NOL4L: variants seen among roughly 807,000 people sequenced by gnomAD.
The protein encoded by NOL4L is nucleolar protein 4 like, also known as nucleolar protein 4-like.
In NOL4L, 7 loss-of-function variants were observed where a neutral mutation model predicts 64.5. The ratio of observed to expected loss-of-function variants is 0.11; its 90% CI spans 0.06 to 0.20. NOL4L has a LOEUF of 0.20. Ranked by LOEUF, NOL4L falls within the 10% of genes least tolerant of loss-of-function variation. The pLI, the probability that NOL4L is intolerant of heterozygous loss-of-function variation, is 1.00. For missense variants in NOL4L, 680 were observed against 967.1 expected (o/e 0.70, Z 3.94); for synonymous variants, 413 against 401.0 (o/e 1.03, Z -0.36).
At chr20:32,512,179 G>A (rs2017437313) in intron 3 of NOL4L, among the ~76,000 whole-genome samples, 1 of 152,158 alleles carries the variant, frequency 6.6e-6, no homozygotes, top group Non-Finnish European at 1.5e-5. Context: ...TAGACAGGGT[G>A]TGTGGCTCCC....
At chr20:32,456,066 TC>T (rs2013472054) in intron 6 of NOL4L, 51 bp downstream of exon 6, 1 of 1,447,482 alleles carries the variant, frequency 6.9e-7, no homozygotes, top group Non-Finnish European at 9.1e-7. Context: ...CATTCTCGCC[TC>T]GCGACAGCCC....
intron 1 of NOL4L, chr20:32,535,929 G>C: frequency 1.3e-5 from 13 of 985,784 alleles, no homozygotes; most frequent in Non-Finnish European, 1.6e-5. Flanking sequence ...CCTGGCTGCA[G>C]GACTCTGGCC....
intron 1 of NOL4L, among the ~76,000 whole-genome samples, chr20:32,546,726 G>A (rs776391381): frequency 3.3e-5 from 5 of 152,150 alleles, no homozygotes; most frequent in African/African-American, 7.2e-5. Context: ...GAGCCACTGC[G>A]CCCGGCAAGG....
At chr20:32,499,844 C>A (rs1389825711) in intron 4 of NOL4L, among the ~76,000 whole-genome samples, 2 of 150,958 alleles carry the variant, frequency 1.3e-5, no homozygotes, top group Non-Finnish European at 2.9e-5. Flanking sequence ...AGGAACAATT[C>A]CTACTAGATA....
At chr20:32,584,039 C>T (rs867532020) in intron 1 of NOL4L, among the ~76,000 whole-genome samples, 24 of 147,748 alleles carry the variant, frequency 1.6e-4, no homozygotes, top group Non-Finnish European at 3.6e-4. Context: ...CGGGCCCCCT[C>T]CCCTGGCGCT....
At chr20:32,543,423 A>C (rs981026379) in intron 1 of NOL4L, among the ~76,000 whole-genome samples, 1 of 152,204 alleles carries the variant, frequency 6.6e-6, no homozygotes, top group Non-Finnish European at 1.5e-5. Flanking sequence ...GTTCGAGACC[A>C]GCCTGACCAA....
intron 4 of NOL4L, among the ~76,000 whole-genome samples, chr20:32,484,722 C>G (rs2015977950): frequency 6.6e-6 from 1 of 152,134 alleles, no homozygotes; most frequent in African/African-American, 2.4e-5. Context: ...CACGCACTGT[C>G]CGTGGAGACG....
At position 32,452,409 on chromosome 20, in the gene NOL4L, T is replaced by G. The variant is rs758077558; in HGVS notation, c.1649A>C (p.His550Pro). 2.2e-5 allele frequency: 36 copies of G among 1,607,990 alleles called. No homozygotes were observed. Among genetic ancestry groups the G allele is most frequent in the Admixed American group, 8.4e-5 (5 of 59,504 alleles). ...GGTGATGGCTGCGGAGTCCCGCGAG[T>G]GCTGCTTGTCCAGGGCTATGGGCTC... ...QDEPIALDKQ[H>P]SRDSAAITHS... Residue 550 changes from histidine to proline, a missense_variant, in exon 10 of 11, where the codon CAC becomes CCC. By Grantham distance (77) the His-to-Pro change is moderately conservative (BLOSUM62 -2). Around this residue, in one of 4 missense-constraint regions of NOL4L, gnomAD observed 175 missense variants for 227.0 expected, o/e 0.77. Transcript: ENST00000621426.
Position 32,565,461 on chromosome 20 carries a change from C to A in NOL4L, c.321+19109G>T, listed in dbSNP as rs535906437. Reference sequence around the variant, plus strand: ...AGCACACATGTGCAGGAGGTGCATGCATGGGGCTGCTTATGGTAGGGGGTG... The same window carrying A: ...AGCACACATGTGCAGGAGGTGCATGAATGGGGCTGCTTATGGTAGGGGGTG... On this transcript the variant is annotated intron_variant, in intron 1 of 10. Transcript: ENST00000621426. Among the ~76,000 whole-genome samples, 48 of 152,298 alleles carry A rather than the reference C, an allele frequency of 3.2e-4. No individual in the cohort carries two copies. In the South Asian group the frequency reaches 4.1e-3, roughly 13 times the overall value.
intron 1 of NOL4L, among the ~76,000 whole-genome samples, chr20:32,542,093 A>C (rs1317352507): frequency 6.6e-6 from 1 of 152,222 alleles, no homozygotes; most frequent in African/African-American, 2.4e-5. Flanking sequence ...TTTGGGCTTC[A>C]GGACACAGAG....
intron 1 of NOL4L, among the ~76,000 whole-genome samples, chr20:32,581,707 G>T (rs1411578559): frequency 6.6e-6 from 1 of 152,164 alleles, no homozygotes; most frequent in Non-Finnish European, 1.5e-5. Flanking sequence ...ACCCCCGACA[G>T]CTGGGTGACC....
At chr20:32,476,341 G>C (rs964972664) in intron 4 of NOL4L, among the ~76,000 whole-genome samples, 1 of 152,192 alleles carries the variant, frequency 6.6e-6, no homozygotes, top group Non-Finnish European at 1.5e-5. Flanking sequence ...GCTGGCAGGT[G>C]GGGGAAGGTT....
chr20:32,546,444 T>A (rs1448617976), intron 1 of NOL4L, among the ~76,000 whole-genome samples: 1 of 152,106 alleles, frequency 6.6e-6, no homozygotes, highest in Admixed American at 6.5e-5. Context: ...TCCATGTTTT[T>A]ATTTATTTAT....
rs749152593 is a variant in NOL4L at position 32,453,760 on chromosome 20, G to C, written c.1121C>G (p.Ser374Cys). The change falls in exon 7 of 11, where the codon TCC (serine) becomes TGC (cysteine). Residue 374 changes from serine to cysteine, a missense_variant and splice_region_variant. Ser to Cys is a moderately radical substitution (Grantham distance 112, BLOSUM62 -1). This residue lies in a region of NOL4L where 254 missense variants were observed against 238.7 expected (regional missense o/e 1.06). Coordinates refer to ENST00000621426, the MANE Select transcript of NOL4L (RefSeq NM_001256798.2). This position sits in a 1 kb window ranked among gnomAD's most constrained non-coding sequence, Gnocchi z 5.6. ...GTAGCTCCCAGAGCTGTAGGGGGGG[G>C]ACTAAAAGGAGGGCAAGAGGCAGAG... is the stretch of plus-strand genomic sequence containing the variant. ...VKYGVKTTPE[S>C]PPYSSGSYDS... 9.0e-6 allele frequency: 14 copies of C among 1,552,414 alleles called. 1 individual carries two copies. The highest frequency in any genetic ancestry group is 3.9e-5 in the Admixed American group (2 of 51,008).
chr20:32,511,035 GAAC>G (rs1279616859), intron 4 of NOL4L, among the ~76,000 whole-genome samples: 1 of 152,114 alleles, frequency 6.6e-6, no homozygotes, highest in East Asian at 1.9e-4. Context: ...AGCAGAGAAA[GAAC>G]AACTCCAGGG....
intron 4 of NOL4L, among the ~76,000 whole-genome samples, chr20:32,486,995 G>A (rs2016115932): frequency 6.6e-6 from 1 of 152,218 alleles, no homozygotes. Context: ...ACAGCCGGGT[G>A]CAGTGGCTCA....
At chr20:32,566,598 G>T (rs541425838) in intron 1 of NOL4L, among the ~76,000 whole-genome samples, 4 of 152,116 alleles carry the variant, frequency 2.6e-5, no homozygotes, top group African/African-American at 9.7e-5. Context: ...TCCTGCCTCG[G>T]GGCCTTTGCA....
chr20:32,537,014 C>T lies in NOL4L; in HGVS notation c.322-9101G>A, dbSNP rs574177573. 1.1e-5 allele frequency: 11 copies of T among 971,364 alleles called. No individual in the cohort carries two copies. The South Asian group carries it at 5.2e-4, about 46-fold the overall frequency. 60.2% of individuals were successfully genotyped at this position (971,364 alleles called of 1,614,324 possible). ...CGCGCGCGCCCGCCGGCCTCGCGTCCCCCTTCCGGCCCCGCCAACCGGCTC... is the reference window on the plus strand; with the variant it reads ...CGCGCGCGCCCGCCGGCCTCGCGTCTCCCTTCCGGCCCCGCCAACCGGCTC... On this transcript the variant is annotated intron_variant, in intron 1 of 10. Transcript: ENST00000621426.
chr20:32,512,618 A>AT (rs1470578585), intron 3 of NOL4L, among the ~76,000 whole-genome samples: 2 of 152,192 alleles, frequency 1.3e-5, no homozygotes, highest in Admixed American at 6.5e-5. Context: ...GCTTCTGTTT[A>AT]TTTTTTCCCT....
Sources: gnomAD v4.1 joint callset for allele counts (sites outside exome capture counted in the v4.1 genomes callset) on GRCh38, gnomAD v4.1.1 for gene constraint, gnomAD v4.1.1 regional missense constraint, Gnocchi (gnomAD v3.1) non-coding constraint, MANE v1.5 for transcripts, NCBI Gene and HGNC (gene_info 2026-07-23, HGNC 2026-07-21) for gene names.